The following SYNDIG1 variants were observed in gnomAD, a reference collection of about 807,000 sequenced individuals.
SYNDIG1 encodes the protein synapse differentiation-inducing gene protein 1.
A neutral mutation model predicts 19.4 loss-of-function variants in SYNDIG1; 9 were observed. The observed-to-expected ratio is 0.46, with a 90% CI of 0.28 to 0.81. The LOEUF (loss-of-function observed/expected upper bound fraction) is 0.81. SYNDIG1 is among the 30% of genes least tolerant of loss of function. The probability of loss-of-function intolerance (pLI) is 0.12; values close to 1 mark genes in which losing one functional copy is unlikely to be tolerated. For synonymous variants in SYNDIG1, 141 were observed against 145.9 expected, an observed-to-expected ratio of 0.97 and a Z score of 0.24; for missense variants, 311 against 343.3, an observed-to-expected ratio of 0.91 and a Z score of 0.74.
At chr20:24,575,746 C>G (rs1256449764) in intron 2 of SYNDIG1, among the ~76,000 whole-genome samples, 1 of 152,196 alleles carries the variant, frequency 6.6e-6, no homozygotes, top group Non-Finnish European at 1.5e-5. Context: ...CTAGATACTA[C>G]TAGGAGGAAA....
intron 1 of SYNDIG1, chr20:24,502,281 T>C (rs550778380): frequency 4.6e-5 from 7 of 152,426 alleles, no homozygotes; most frequent in African/African-American, 1.4e-4. Context: ...GCAGGAGTCA[T>C]AGCCTTGTGG....
chr20:24,656,744 C>A (rs1460672100), intron 3 of SYNDIG1, among the ~76,000 whole-genome samples: 1 of 152,260 alleles, frequency 6.6e-6, no homozygotes, highest in East Asian at 1.9e-4. Flanking sequence ...GCCCCGCAGC[C>A]CCCTCCCTCT....
intron 1 of SYNDIG1, among the ~76,000 whole-genome samples, chr20:24,500,652 G>A (rs2056432940): frequency 6.6e-6 from 1 of 151,814 alleles, no homozygotes. Context: ...GCGCACTGCT[G>A]TGTGCAGACA....
At chr20:24,556,369 G>T (rs113333953) in intron 2 of SYNDIG1, among the ~76,000 whole-genome samples, 1 of 152,126 alleles carries the variant, frequency 6.6e-6, no homozygotes, top group Non-Finnish European at 1.5e-5. Flanking sequence ...TGGTTATTTT[G>T]CTCGTTAGTT....
intron 3 of SYNDIG1, among the ~76,000 whole-genome samples, chr20:24,665,020 C>T (rs1293205680): frequency 6.6e-6 from 1 of 152,174 alleles, no homozygotes; most frequent in Non-Finnish European, 1.5e-5. Context: ...GCCCATCCCT[C>T]AGTACTCGTG....
chr20:24,576,147 G>A (rs893650845), intron 2 of SYNDIG1, among the ~76,000 whole-genome samples: 4 of 152,318 alleles, frequency 2.6e-5, no homozygotes, highest in Admixed American at 2.0e-4. Flanking sequence ...ATGGCAGAGG[G>A]CATGTTTTCC....
rs2059640023 is a variant in SYNDIG1, at chr20:24,665,483, C to T, written c.756C>T (p.Leu252=). The T allele has an allele frequency of 6.2e-7, 1 of 1,614,082 alleles. No homozygotes were observed. Among genetic ancestry groups the T allele is most frequent in the Non-Finnish European group, 8.5e-7 (1 of 1,180,006 alleles). ...VGVAVALIAY[L]SKNNHL is the part of the protein sequence containing the mutation. ...TGGCCGTGGCCCTCATCGCCTACCT[C>T]TCCAAGAACAACCACCTGTGAGCTT... is the stretch of plus-strand genomic sequence containing the variant. The change falls in exon 4 of 4, where the codon CTC becomes CTT. Residue 252 remains leucine (L), a synonymous_variant. Transcript: ENST00000376862.
chr20:24,473,107 C>T (rs1302067650), intron 1 of SYNDIG1, among the ~76,000 whole-genome samples: 1 of 151,788 alleles, frequency 6.6e-6, no homozygotes, highest in African/African-American at 2.4e-5. Context: ...ACAGATGTCA[C>T]ATTATCAGCA....
chr20:24,561,436 T>G (rs1264378293), intron 2 of SYNDIG1, among the ~76,000 whole-genome samples: 1 of 152,204 alleles, frequency 6.6e-6, no homozygotes, highest in Non-Finnish European at 1.5e-5. Context: ...GGCGTGGTTT[T>G]CCAACCTCTG....
intron 3 of SYNDIG1, among the ~76,000 whole-genome samples, chr20:24,607,459 C>T (rs1027576353): frequency 3.9e-4 from 60 of 152,144 alleles, no homozygotes; most frequent in African/African-American, 1.3e-3. Flanking sequence ...GGCCAAAGGG[C>T]CGTCCTCAAT....
chr20:24,557,424 A>T (rs978388444), intron 2 of SYNDIG1, among the ~76,000 whole-genome samples: 1 of 151,636 alleles, frequency 6.6e-6, no homozygotes, highest in African/African-American at 2.4e-5. Context: ...TTTTTTTCCC[A>T]TCTTTGTGGT....
intron 1 of SYNDIG1, among the ~76,000 whole-genome samples, chr20:24,501,537 G>A (rs2056454289): frequency 6.6e-6 from 1 of 152,190 alleles, no homozygotes; most frequent in South Asian, 2.1e-4. Flanking sequence ...TAGGGACTGG[G>A]GACAGAGGTC....
At chr20:24,579,123 C>T (rs1018728727) in intron 2 of SYNDIG1, among the ~76,000 whole-genome samples, 4 of 152,174 alleles carry the variant, frequency 2.6e-5, no homozygotes, top group African/African-American at 9.7e-5. Context: ...AAAAGGGGTT[C>T]GTGTTCCAGT....
chr20:24,500,549 C>CT (rs1296281944), intron 1 of SYNDIG1, among the ~76,000 whole-genome samples: 7 of 139,152 alleles, frequency 5.0e-5, no homozygotes, highest in African/African-American at 2.0e-4. Context: ...TTCTTTCTTT[C>CT]TTTTTTCTTT....
chr20:24,662,850 C>T (rs2059616177), intron 3 of SYNDIG1, among the ~76,000 whole-genome samples: 1 of 152,222 alleles, frequency 6.6e-6, no homozygotes. Flanking sequence ...CTTTTTTGCA[C>T]CTACACACAA....
intron 2 of SYNDIG1, among the ~76,000 whole-genome samples, chr20:24,548,945 A>G (rs1363321074): frequency 6.6e-6 from 1 of 152,084 alleles, no homozygotes; most frequent in African/African-American, 2.4e-5. Flanking sequence ...TTAATAGACA[A>G]ATAAATGGGA....
intron 1 of SYNDIG1, among the ~76,000 whole-genome samples, chr20:24,525,314 CAG>C (rs1253518837): frequency 8.6e-6 from 1 of 116,180 alleles, no homozygotes; most frequent in Non-Finnish European, 1.7e-5. Context: ...TTTTTTGAGA[CAG>C]AGTCTTACTC....
At chr20:24,585,056 G>GGGCCC in intron 3 of SYNDIG1, 63 bp downstream of exon 3, 2 of 545,658 alleles carry the variant, frequency 3.7e-6, no homozygotes, top group South Asian at 1.5e-5. Context: ...GGTGGGGGCG[G>GGGCCC]CAATCCCAGC....
Position 24,503,966 on chromosome 20 carries a change from T to G in SYNDIG1, c.-79+34213T>G, listed in dbSNP as rs1204186165. ...ATCCAGGGAGAGCAGGTTTTTTTTT[T>G]TTTTTTTTTTTGAGACGGAGTCTCA... On this transcript the variant is annotated intron_variant, in intron 1 of 3. Coordinates refer to ENST00000376862, the MANE Select transcript of SYNDIG1 (RefSeq NM_024893.3). Among the ~76,000 whole-genome samples, 6 of 149,938 alleles carry G rather than the reference T, an allele frequency of 4.0e-5. 1 individual carries two copies. Among genetic ancestry groups the G allele is most frequent in the East Asian group, 3.9e-4 (2 of 5,170 alleles).
Sources: allele counts gnomAD v4.1 joint callset (sites outside exome capture counted in the v4.1 genomes callset), GRCh38; gene constraint gnomAD v4.1.1; transcripts MANE v1.5; gene names NCBI Gene and HGNC (gene_info 2026-07-23, HGNC 2026-07-21).